The following UNC5C variants were observed in gnomAD, a reference collection of about 807,000 sequenced individuals.
UNC5C encodes the protein unc-5 netrin receptor C.
In UNC5C, 47 loss-of-function variants were observed where a neutral mutation model predicts 99.8. That is an observed-to-expected ratio of 0.47 (90% CI 0.37 to 0.60). The LOEUF (loss-of-function observed/expected upper bound fraction) is 0.60. UNC5C is among the 20% of genes least tolerant of loss of function. The pLI is 0.00. For missense variants in UNC5C, 1,062 were observed against 1,165.9 expected (o/e 0.91, Z 1.30); for synonymous variants, 487 against 452.2 (o/e 1.08, Z -0.98).
intron 1 of UNC5C, among the ~76,000 whole-genome samples, chr4:95,468,032 G>A (rs1747843804): frequency 6.6e-6 from 1 of 152,048 alleles, no homozygotes; most frequent in African/African-American, 2.4e-5. Context: ...AGTCTCTCAA[G>A]GGTGGTGGCA....
chr4:95,245,663 T>TA (rs1739477625), intron 5 of UNC5C, among the ~76,000 whole-genome samples: 1 of 152,200 alleles, frequency 6.6e-6, no homozygotes. Context: ...AATAAAATCT[T>TA]ACAGTACTGG....
intron 1 of UNC5C, among the ~76,000 whole-genome samples, chr4:95,531,192 C>T (rs995940222): frequency 6.6e-6 from 1 of 152,132 alleles, no homozygotes; most frequent in Non-Finnish European, 1.5e-5. Flanking sequence ...TGTTTTCAAG[C>T]CAGTTTTTCC....
chr4:95,459,599 G>A (rs1283037335), intron 1 of UNC5C, among the ~76,000 whole-genome samples: 1 of 152,172 alleles, frequency 6.6e-6, no homozygotes, highest in African/African-American at 2.4e-5. Flanking sequence ...CAATGCAGTG[G>A]ATTTGATAAA....
intron 1 of UNC5C, among the ~76,000 whole-genome samples, chr4:95,492,616 G>A (rs1031273137): frequency 1.3e-4 from 20 of 151,286 alleles, no homozygotes; most frequent in African/African-American, 4.6e-4. Context: ...AAAGGAAAAT[G>A]TAATAATTCC....
At chr4:95,342,393 T>G (rs1743612503) in intron 1 of UNC5C, among the ~76,000 whole-genome samples, 1 of 152,024 alleles carries the variant, frequency 6.6e-6, no homozygotes, top group Non-Finnish European at 1.5e-5. Flanking sequence ...AGGCTACATT[T>G]CTAGAGCCGC....
chr4:95,493,215 T>C (rs927645064), intron 1 of UNC5C, among the ~76,000 whole-genome samples: 1 of 151,368 alleles, frequency 6.6e-6, no homozygotes, highest in East Asian at 2.0e-4. Context: ...AGGGATGAGA[T>C]GTTCCGGGAG....
At chr4:95,482,410 G>C (rs942763642) in intron 1 of UNC5C, among the ~76,000 whole-genome samples, 11 of 151,608 alleles carry the variant, frequency 7.3e-5, no homozygotes, top group African/African-American at 2.7e-4. Context: ...TACTGTTGGT[G>C]GGACTGTAAA....
At chr4:95,203,552 C>T (rs181592243) in intron 11 of UNC5C, among the ~76,000 whole-genome samples, 1 of 152,138 alleles carries the variant, frequency 6.6e-6, no homozygotes, top group Non-Finnish European at 1.5e-5. Context: ...CCACTGCAAC[C>T]TCCGTCCCCT....
intron 1 of UNC5C, among the ~76,000 whole-genome samples, chr4:95,530,163 C>A (rs1212414800): frequency 6.6e-6 from 1 of 152,088 alleles, no homozygotes; most frequent in African/African-American, 2.4e-5. Context: ...TTCTGTCTTG[C>A]TTTTAAGTGG....
At chr4:95,507,727 A>C (rs1206476657) in intron 1 of UNC5C, among the ~76,000 whole-genome samples, 2 of 152,014 alleles carry the variant, frequency 1.3e-5, no homozygotes, top group Non-Finnish European at 2.9e-5. Context: ...TAATTCTAGT[A>C]TGCTGACATC....
At chr4:95,543,236 T>C (rs765355600) in intron 1 of UNC5C, among the ~76,000 whole-genome samples, 47 of 152,016 alleles carry the variant, frequency 3.1e-4, no homozygotes, top group Non-Finnish European at 5.7e-4. Flanking sequence ...CCAGAACCAA[T>C]AATAGAAGCA....
At chr4:95,236,280 GTAGGGACA>G (rs1428727141) in intron 7 of UNC5C, among the ~76,000 whole-genome samples, 3 of 152,134 alleles carry the variant, frequency 2.0e-5, no homozygotes, top group Non-Finnish European at 4.4e-5. Context: ...CATGTCCTTT[GTAGGGACA>G]TGGATGAAGC....
At chr4:95,325,487 GA>G (rs2149415180) in intron 2 of UNC5C, among the ~76,000 whole-genome samples, 1 of 152,222 alleles carries the variant, frequency 6.6e-6, no homozygotes, top group South Asian at 2.1e-4. Flanking sequence ...TTGTTGGAGT[GA>G]AGGATGAAGC....
chr4:95,341,501 AAGAG>A (rs746827975), intron 1 of UNC5C, among the ~76,000 whole-genome samples: 7 of 104,766 alleles, frequency 6.7e-5, no homozygotes, highest in Non-Finnish European at 1.5e-4. Flanking sequence ...AGAAAGAAGA[AAGAG>A]AGAGAAAGAA....
chr4:95,374,745 CCAGTCTAAGTGAGGCATGGTCTGGTG>C, intron 1 of UNC5C, among the ~76,000 whole-genome samples: 1 of 152,160 alleles, frequency 6.6e-6, no homozygotes, highest in African/African-American at 2.4e-5. Context: ...GCCATCTAAC[CCAGTCTAAGTGAGGCATGGTCTGGTG>C]CAGTCAGACT....
chr4:95,287,179 T>A (rs562217773), intron 3 of UNC5C, among the ~76,000 whole-genome samples: 7 of 152,340 alleles, frequency 4.6e-5, no homozygotes, highest in African/African-American at 1.4e-4. Flanking sequence ...TAGGATTGCA[T>A]ACATAACATT....
intron 14 of UNC5C, among the ~76,000 whole-genome samples, chr4:95,175,810 G>T (rs1016245293): frequency 6.6e-6 from 1 of 152,056 alleles, no homozygotes; most frequent in African/African-American, 2.4e-5. Context: ...GACTGGGGAA[G>T]TTCTCCTGGA....
chr4:95,376,047 C>T (rs543350657), intron 1 of UNC5C, among the ~76,000 whole-genome samples: 4 of 151,920 alleles, frequency 2.6e-5, no homozygotes, highest in South Asian at 2.1e-4. Flanking sequence ...AGCAAGACTC[C>T]GTCTCAAAAA....
intron 1 of UNC5C, among the ~76,000 whole-genome samples, chr4:95,506,578 A>T: frequency 6.6e-6 from 1 of 152,004 alleles, no homozygotes; most frequent in Non-Finnish European, 1.5e-5. Flanking sequence ...AAAAGTCGTC[A>T]TGTTGAGTAA....
Sources: gnomAD v4.1 joint callset for allele counts (sites outside exome capture counted in the v4.1 genomes callset) on GRCh38, gnomAD v4.1.1 for gene constraint, MANE v1.5 for transcripts, NCBI Gene and HGNC (gene_info 2026-07-23, HGNC 2026-07-21) for gene names.